DOCK11: variants seen among roughly 807,000 people sequenced by gnomAD.
DOCK11 encodes the protein dedicator of cytokinesis 11.
A neutral mutation model predicts 169.1 loss-of-function variants in DOCK11; 70 were observed. The observed-to-expected ratio is 0.41, with a 90% confidence interval of 0.34 to 0.51. The LOEUF is 0.51. DOCK11 is among the 20% of genes least tolerant of loss of function. DOCK11 has a pLI of 0.10. For synonymous variants in DOCK11, 529 were observed against 541.3 expected (o/e 0.98, Z 0.32); for missense variants, 1,166 against 1,538.8 (o/e 0.76, Z 4.05).
intron 19 of DOCK11, among the ~76,000 whole-genome samples, chrX:118,592,194 T>C (rs1462776505): frequency 9.0e-6 from 1 of 110,839 alleles, no homozygotes; most frequent in Non-Finnish European, 1.9e-5. Flanking sequence ...TCTAGATCCC[T>C]GAGGAATCAC....
At chrX:118,531,438 A>C (rs1471039952) in intron 1 of DOCK11, among the ~76,000 whole-genome samples, 3 of 91,034 alleles carry the variant, frequency 3.3e-5, no homozygotes, top group Admixed American at 1.2e-4. Context: ...AAAAAAAAAA[A>C]AAAAAAAAAA....
At chrX:118,674,466 G>C (rs1301040040) in intron 46 of DOCK11, among the ~76,000 whole-genome samples, 1 of 111,989 alleles carries the variant, frequency 8.9e-6, no homozygotes, top group Non-Finnish European at 1.9e-5. Flanking sequence ...ATATTTAGAG[G>C]TTCATGTATC....
chrX:118,607,339 ACTC>A (rs1453275045), intron 24 of DOCK11, among the ~76,000 whole-genome samples: 2 of 98,490 alleles, frequency 2.0e-5, no homozygotes, highest in Non-Finnish European at 4.0e-5. Context: ...CTGGTCTCGA[ACTC>A]CTGACCTCAT....
chrX:118,566,097 A>G lies in DOCK11; in HGVS notation c.786A>G (p.Glu262=). Residue 262 remains glutamate, a synonymous_variant, in exon 8 of 53, where the codon GAA becomes GAG. Transcript: ENST00000276202. ...LAAETEQEME[E]WLITLKKIIQ... ...CTGAAACTGAGCAGGAAATGGAGGA[A>G]TGGTTGATAACTTTGAAAAAGATTA... 1 of 1,210,034 alleles carries G rather than the reference A, an allele frequency of 8.3e-7. No homozygotes were observed. The highest frequency in any genetic ancestry group is 1.7e-5 in the African/African-American group (1 of 57,810).
At chrX:118,507,271 A>G (rs1439799963) in intron 1 of DOCK11, among the ~76,000 whole-genome samples, 2 of 112,427 alleles carry the variant, frequency 1.8e-5, no homozygotes, top group African/African-American at 6.5e-5. Context: ...TTTAACTGAG[A>G]AGTCAAGTGT....
intron 20 of DOCK11, among the ~76,000 whole-genome samples, chrX:118,593,822 A>C (rs771733180): frequency 3.7e-4 from 42 of 112,142 alleles, no homozygotes; most frequent in Non-Finnish European, 7.1e-4. Flanking sequence ...TGATTTTAAA[A>C]GTTCATTGGT....
Position 118,614,735 on chromosome X carries a change from T to C in DOCK11, c.3140T>C (p.Ile1047Thr). Residue 1047 changes from isoleucine to threonine, a missense_variant, in exon 29 of 53, where the codon ATA (isoleucine) becomes ACA (threonine). Ile to Thr is a moderately conservative substitution (Grantham distance 89). Coordinates refer to ENST00000276202, the MANE Select transcript of DOCK11 (RefSeq NM_144658.4). The part of the protein sequence containing the change: ...LMDRGFIFNL[I>T]NDYISGFSPK... ...GATAGAGGATTTATTTTCAATTTAA[T>C]AAATGACTATATATCTGGATTCAGC... 1 of 1,195,150 alleles carries C rather than the reference T, an allele frequency of 8.4e-7. No individual in the cohort carries two copies. Among genetic ancestry groups the C allele is most frequent in the Non-Finnish European group, 1.1e-6 (1 of 882,831 alleles).
chrX:118,558,481 A>T (rs1227169905), intron 6 of DOCK11, among the ~76,000 whole-genome samples: 1 of 112,081 alleles, frequency 8.9e-6, no homozygotes, highest in Non-Finnish European at 1.9e-5. Context: ...AAATGTAAAA[A>T]ATATATATAA....
At chrX:118,609,577 C>T (rs1056529880) in intron 27 of DOCK11, among the ~76,000 whole-genome samples, 2 of 111,841 alleles carry the variant, frequency 1.8e-5, no homozygotes, top group Admixed American at 9.5e-5. Flanking sequence ...ATGTTCTCAC[C>T]GTCTAATCTG....
At chrX:118,647,968 A>T (rs190208838) in intron 40 of DOCK11, among the ~76,000 whole-genome samples, 7,868 of 37,228 alleles carry the variant, frequency 0.21, 1,467 homozygotes, top group African/African-American at 0.49. Flanking sequence ...TATAATATAT[A>T]ATTATATATA....
Position 118,513,359 on chromosome X carries a change from A to C in DOCK11, c.102+17286A>C, listed in dbSNP as rs192155976. Among the ~76,000 whole-genome samples the C allele has an allele frequency of 5.0e-4, 56 of 112,123 alleles. No individual in the cohort carries two copies. The East Asian group carries it at 0.011, about 21-fold the overall frequency. Reference sequence around the variant, plus strand: ...CCTGGGTGCCAAGGGAATGTTGTGGAGCTACACATCTGGCAAGGTTGTCCC... The same window carrying C: ...CCTGGGTGCCAAGGGAATGTTGTGGCGCTACACATCTGGCAAGGTTGTCCC... On this transcript the variant is annotated intron_variant, in intron 1 of 52. Coordinates refer to ENST00000276202, the MANE Select transcript of DOCK11 (RefSeq NM_144658.4).
In DOCK11 at chrX:118,546,210, C is replaced by CCAAAAAAAAA. The variant is rs59721327; in HGVS notation, c.558+94_558+95insCAAAAAAAAA. The stretch of plus-strand genomic sequence containing the variant: ...ATATTTATTTTACAAAGAGCCCTAG[C>CCAAAAAAAAA]AAAAAAAAAAAAAAAAAAAAAGGAG... On this transcript the variant is annotated intron_variant, in intron 6 of 52. Coordinates refer to ENST00000276202, the MANE Select transcript of DOCK11 (RefSeq NM_144658.4). 7.8e-3 allele frequency: 386 copies of CCAAAAAAAAA among 49,279 alleles called. 50 individuals carry two copies. The highest frequency in any genetic ancestry group is 0.075 in the Middle Eastern group (4 of 53). 4.1% of individuals were successfully genotyped at this position (49,279 alleles called of 1,213,427 possible). A position where few individuals can be genotyped will look rare whatever the true frequency, so the allele number is the denominator to read the frequency against.
intron 14 of DOCK11, 116 bp from the exon 15 acceptor site, chrX:118,584,619 G>A (rs901532501): frequency 1.5e-4 from 100 of 660,020 alleles, no homozygotes; most frequent in Non-Finnish European, 2.0e-4. Context: ...ATGAGAAACC[G>A]CCAAACTGTT....
chrX:118,532,498 C>T (rs937274164), intron 1 of DOCK11, among the ~76,000 whole-genome samples: 9 of 109,902 alleles, frequency 8.2e-5, no homozygotes, highest in African/African-American at 2.0e-4. Context: ...GAAGGTGTGC[C>T]GGCCGGGCGG....
chrX:118,536,967 A>G (rs2011781656), intron 1 of DOCK11, among the ~76,000 whole-genome samples: 1 of 111,452 alleles, frequency 9.0e-6, no homozygotes, highest in Non-Finnish European at 1.9e-5. Flanking sequence ...AGGAAAGGAG[A>G]GCCGAATGAC....
chrX:118,521,210 A>G (rs1176589441), intron 1 of DOCK11, among the ~76,000 whole-genome samples: 1 of 112,390 alleles, frequency 8.9e-6, no homozygotes, highest in African/African-American at 3.2e-5. Context: ...TCTGAGTTGA[A>G]ATGCCACTTT....
Position 118,568,091 on chromosome X carries a change from A to T in DOCK11, c.964A>T (p.Thr322Ser). ...TTTAAAATTTTAGTATGGAAGAGAA[A>T]CTGAACAACTAAACAAACTCAGTAG... is the stretch of plus-strand genomic sequence containing the variant. ...HPELMKYGRE[T>S]EQLNKLSRGD... Residue 322 changes from threonine (T) to serine (S), a missense_variant, in exon 10 of 53, where the codon ACT (threonine) becomes TCT (serine). By Grantham distance (58) the Thr-to-Ser change is moderately conservative. Transcript: ENST00000276202. 8.7e-7 allele frequency: 1 copy of T among 1,148,941 alleles called. No homozygotes were observed. Among genetic ancestry groups the T allele is most frequent in the Non-Finnish European group, 1.2e-6 (1 of 860,101 alleles). The allele number at this position is 1,148,941 out of a possible 1,213,427, so 94.7% of individuals were successfully genotyped here. A position where few individuals can be genotyped will look rare whatever the true frequency, so the allele number is the denominator to read the frequency against.
At chrX:118,650,477 A>C (rs2015920211) in intron 41 of DOCK11, among the ~76,000 whole-genome samples, 1 of 111,719 alleles carries the variant, frequency 9.0e-6, no homozygotes, top group Non-Finnish European at 1.9e-5. Context: ...ACTGGAGATA[A>C]GATTATTAGT....
intron 5 of DOCK11, 52 bp downstream of exon 5, chrX:118,545,444 C>G: frequency 1.1e-6 from 1 of 909,799 alleles, no homozygotes. Flanking sequence ...CTCACGGTCA[C>G]TTTGCTGAAA....
Sources: allele counts gnomAD v4.1 joint callset (sites outside exome capture counted in the v4.1 genomes callset), GRCh38; gene constraint gnomAD v4.1.1; transcripts MANE v1.5; gene names NCBI Gene and HGNC (gene_info 2026-07-23, HGNC 2026-07-21).